NFATC2IP: variants seen among roughly 807,000 people sequenced by gnomAD.
The protein encoded by NFATC2IP is NFATC2-interacting protein.
NFATC2IP carries 25 observed loss-of-function variants against 40.2 expected under a neutral mutation model. The observed-to-expected ratio is 0.62, with a 90% confidence interval of 0.45 to 0.87. The LOEUF is 0.87. Ranked by LOEUF, NFATC2IP falls within the 40% of genes least tolerant of loss-of-function variation. The pLI is 0.00. For missense variants in NFATC2IP, 553 were observed against 555.6 expected (o/e 1.00, Z 0.05); for synonymous variants, 241 against 236.3 (o/e 1.02, Z -0.18).
At chr16:28,963,478 A>C (rs539023847) in intron 7 of NFATC2IP, among the ~76,000 whole-genome samples, 1 of 152,122 alleles carries the variant, frequency 6.6e-6, no homozygotes, top group Non-Finnish European at 1.5e-5. Context: ...CCCGTCCTCT[A>C]CCTGAGCAAC....
intron 1 of NFATC2IP, 42 bp downstream of exon 1, chr16:28,951,440 G>T: frequency 7.3e-7 from 1 of 1,371,866 alleles, no homozygotes; most frequent in East Asian, 2.9e-5. Flanking sequence ...AAGGGCCAAG[G>T]GCTTGGCCTC....
chr16:28,955,944 A>G (rs1351184758), intron 3 of NFATC2IP, 34 bp from the exon 4 acceptor site: 1 of 1,534,368 alleles, frequency 6.5e-7, no homozygotes, highest in Non-Finnish European at 9.0e-7. Flanking sequence ...GTCTCTCTCC[A>G]TTGCCTCCGT....
intron 1 of NFATC2IP, among the ~76,000 whole-genome samples, chr16:28,951,639 G>A (rs190693307): frequency 2.0e-5 from 3 of 152,226 alleles, no homozygotes; most frequent in Non-Finnish European, 4.4e-5. Context: ...CTAGAGTCTT[G>A]GGGGCACAGG....
At position 28,964,008 on chromosome 16, in the gene NFATC2IP, G is replaced by A. The variant is rs186123506; in HGVS notation, c.*145G>A. ...AGGAGTGACTTTTGTCCCCTCTCCTGTTGACCCTGGTTTAGAGCCGTTAAC... is the reference window on the plus strand; with the variant it reads ...AGGAGTGACTTTTGTCCCCTCTCCTATTGACCCTGGTTTAGAGCCGTTAAC... On this transcript the variant is annotated 3_prime_UTR_variant, in exon 8 of 8. Coordinates refer to ENST00000320805, the MANE Select transcript of NFATC2IP (RefSeq NM_032815.4). The A allele has an allele frequency of 4.2e-5, 31 of 745,310 alleles. No homozygotes were observed. The African/African-American group carries it at 4.9e-4, about 12-fold the overall frequency. The allele number at this position is 745,310 out of a possible 1,614,324, so 46.2% of individuals were successfully genotyped here.
intron 6 of NFATC2IP, 50 bp downstream of exon 6, chr16:28,958,911 G>T (rs778205981): frequency 6.2e-7 from 1 of 1,609,944 alleles, no homozygotes; most frequent in South Asian, 1.1e-5. Context: ...CCAGGGGAAG[G>T]GGATATGGGG....
intron 3 of NFATC2IP, among the ~76,000 whole-genome samples, chr16:28,955,132 T>C (rs1340727592): frequency 6.6e-6 from 1 of 152,148 alleles, no homozygotes; most frequent in Non-Finnish European, 1.5e-5. Flanking sequence ...AGTTAGAGGC[T>C]GCAGTGAGCC....
intron 1 of NFATC2IP, 34 bp downstream of exon 1, chr16:28,951,432 G>C: frequency 7.3e-7 from 1 of 1,378,032 alleles, no homozygotes; most frequent in Non-Finnish European, 9.3e-7. Flanking sequence ...ACCGGCGGAA[G>C]GGCCAAGGGC....
chr16:28,959,609 C>G (rs1965061814), intron 7 of NFATC2IP, among the ~76,000 whole-genome samples: 2 of 147,666 alleles, frequency 1.4e-5, no homozygotes, highest in South Asian at 2.1e-4. Context: ...AGAGTCTCGC[C>G]CTGTCGCCCA....
In NFATC2IP at chr16:28,956,074, G is replaced by T; in HGVS notation, c.659+16G>T. On this transcript the variant is annotated intron_variant, in intron 4 of 7. Coordinates refer to ENST00000320805, the MANE Select transcript of NFATC2IP (RefSeq NM_032815.4). ...AGAAGTTAAGGTGCCAAGTGCAGGG[G>T]CTCTGGCTGGGATGGAAGAGGGCAA... 6.2e-7 allele frequency: 1 copy of T among 1,613,656 alleles called. No homozygotes were observed. The highest frequency in any genetic ancestry group is 8.5e-7 in the Non-Finnish European group (1 of 1,179,566).
chr16:28,962,981 TTGAGAC>T (rs1965103471), intron 7 of NFATC2IP, among the ~76,000 whole-genome samples: 1 of 152,192 alleles, frequency 6.6e-6, no homozygotes, highest in African/African-American at 2.4e-5. Flanking sequence ...CTCAGGAAGT[TTGAGAC>T]CAGCTTGGGC....
At position 28,954,673 on chromosome 16, in the gene NFATC2IP, C is replaced by G. The variant is rs1965001966; in HGVS notation, c.569C>G (p.Thr190Arg). 8.1e-6 allele frequency: 13 copies of G among 1,610,890 alleles called. No individual in the cohort carries two copies. The highest frequency in any genetic ancestry group is 1.1e-5 in the Non-Finnish European group (13 of 1,177,372). Residue 190 changes from threonine to arginine, a missense_variant, in exon 3 of 8, where the codon ACA (threonine) becomes AGA (arginine). Thr to Arg is a moderately conservative substitution (Grantham distance 71). Coordinates refer to ENST00000320805, the MANE Select transcript of NFATC2IP (RefSeq NM_032815.4). The part of the protein sequence containing the change: ...RTKDKEEKKK[T>R]EFLDLDNSPL... ...AAGGATAAAGAAGAGAAGAAAAAGA[C>G]AGAGTTTCTGTGAGTGAGGCCAGGG...
intron 7 of NFATC2IP, among the ~76,000 whole-genome samples, chr16:28,960,619 G>A (rs1000801723): frequency 6.6e-6 from 1 of 152,140 alleles, no homozygotes; most frequent in Admixed American, 6.5e-5. Flanking sequence ...ACAGACATAG[G>A]ATAGACATTC....
In NFATC2IP at chr16:28,955,857, G is replaced by A. The variant is rs1965014458; in HGVS notation, c.579-121G>A. Reference sequence around the variant, plus strand: ...TCCTGGCTCAGCCTCCAAAAGTGCTGGGATTACAGGTGTGAGCCATTGCGT... The same window carrying A: ...TCCTGGCTCAGCCTCCAAAAGTGCTAGGATTACAGGTGTGAGCCATTGCGT... On this transcript the variant is annotated intron_variant, in intron 3 of 7. Coordinates refer to ENST00000320805, the MANE Select transcript of NFATC2IP (RefSeq NM_032815.4). 3 of 792,326 alleles carry A rather than the reference G, an allele frequency of 3.8e-6. 1 individual carries two copies. In the Admixed American group the frequency reaches 6.5e-5, roughly 17 times the overall value. 49.1% of individuals were successfully genotyped at this position (792,326 alleles called of 1,614,324 possible).
intron 3 of NFATC2IP, 94 bp downstream of exon 3, chr16:28,954,776 G>C: frequency 2.8e-6 from 2 of 724,738 alleles, no homozygotes; most frequent in South Asian, 3.3e-5. Context: ...CTCCTGAAAG[G>C]TTAAGAAGAA....
At chr16:28,956,460 G>T in intron 5 of NFATC2IP, 123 bp downstream of exon 5, 1 of 682,236 alleles carries the variant, frequency 1.5e-6, no homozygotes, top group South Asian at 1.9e-5. Context: ...CTCTAGAGCT[G>T]CCCATCATTC....
intron 2 of NFATC2IP, among the ~76,000 whole-genome samples, chr16:28,953,716 G>A (rs1245592731): frequency 6.6e-6 from 1 of 151,952 alleles, no homozygotes; most frequent in Non-Finnish European, 1.5e-5. Context: ...CCAGGAGTTC[G>A]AGACCAGCCT....
intron 3 of NFATC2IP, 107 bp from the exon 4 acceptor site, chr16:28,955,871 G>C (rs1389452072): frequency 1.1e-6 from 1 of 885,234 alleles, no homozygotes. Flanking sequence ...TTACAGGTGT[G>C]AGCCATTGCG....
rs941451204 is a variant in NFATC2IP, at chr16:28,966,976, T to C, written c.*3113T>C. The C allele has an allele frequency of 6.6e-6, 1 of 152,196 alleles. No individual in the cohort carries two copies. The highest frequency in any genetic ancestry group is 2.4e-5 in the African/African-American group (1 of 41,446). The allele number at this position is 152,196 out of a possible 1,614,324, so 9.4% of individuals were successfully genotyped here. A position where few individuals can be genotyped will look rare whatever the true frequency, so the allele number is the denominator to read the frequency against. ...TCCTTTGAATTTTATGACATTAAAATAATCCACGACATGGTACAGCTCTTC... is the reference window on the plus strand; with the variant it reads ...TCCTTTGAATTTTATGACATTAAAACAATCCACGACATGGTACAGCTCTTC... On this transcript the variant is annotated 3_prime_UTR_variant, in exon 8 of 8. Coordinates refer to ENST00000320805, the MANE Select transcript of NFATC2IP (RefSeq NM_032815.4).
In NFATC2IP at chr16:28,959,096, C is replaced by A; in HGVS notation, c.1097C>A (p.Ser366Tyr). 1 of 1,596,634 alleles carries A rather than the reference C, an allele frequency of 6.3e-7. No individual in the cohort carries two copies. The highest frequency in any genetic ancestry group is 1.7e-4 in the Middle Eastern group (1 of 6,038). Reference protein sequence around the residue: ...EKHQTLEVSLSRDSPLKTLMS... With the variant: ...EKHQTLEVSLYRDSPLKTLMS... ...CACCAGACACTGGAAGTCTCACTGT[C>A]TCGAGTGAGTGGGAGAGATGGCTCT... Residue 366 changes from serine to tyrosine, a missense_variant, in exon 7 of 8, where the codon TCT (serine) becomes TAT (tyrosine). By Grantham distance (144) the Ser-to-Tyr change is moderately radical. Coordinates refer to ENST00000320805, the MANE Select transcript of NFATC2IP (RefSeq NM_032815.4).
Sources: gnomAD v4.1 joint callset for allele counts (sites outside exome capture counted in the v4.1 genomes callset) on GRCh38, gnomAD v4.1.1 for gene constraint, MANE v1.5 for transcripts, NCBI Gene and HGNC (gene_info 2026-07-23, HGNC 2026-07-21) for gene names.